SLC9C1: variants seen among roughly 807,000 people sequenced by gnomAD.
The protein encoded by SLC9C1 is solute carrier family 9 member C1, also known as sodium/hydrogen exchanger 10.
In SLC9C1, 97 loss-of-function variants were observed where a neutral mutation model predicts 140.9. The observed-to-expected ratio is 0.69, with a 90% CI of 0.58 to 0.82. SLC9C1 has a LOEUF of 0.82. Among genes scored for constraint, SLC9C1 ranks in the 40% least tolerant of loss-of-function variants. SLC9C1 has a pLI of 0.00. For synonymous variants in SLC9C1, 440 were observed against 442.6 expected, an observed-to-expected ratio of 0.99 and a Z score of 0.07; for missense variants, 1,340 against 1,389.3, an observed-to-expected ratio of 0.96 and a Z score of 0.56.
At chr3:112,195,473 C>T (rs1216517365) in intron 20 of SLC9C1, among the ~76,000 whole-genome samples, 1 of 151,988 alleles carries the variant, frequency 6.6e-6, no homozygotes, top group Non-Finnish European at 1.5e-5. Context: ...AAGGAACTTA[C>T]TTCTGTCATT....
intron 27 of SLC9C1, among the ~76,000 whole-genome samples, 157 bp downstream of exon 27, chr3:112,154,840 T>G (rs745890981): frequency 1.3e-5 from 2 of 152,208 alleles, no homozygotes; most frequent in Non-Finnish European, 2.9e-5. Flanking sequence ...TAATTTCCAC[T>G]GTACCCAGTG....
intron 27 of SLC9C1, among the ~76,000 whole-genome samples, chr3:112,154,187 T>A (rs2075063898): frequency 6.6e-6 from 1 of 152,208 alleles, no homozygotes; most frequent in African/African-American, 2.4e-5. Context: ...ATTTTATGGC[T>A]TGTGTATTCA....
chr3:112,161,509 A>G (rs887895633), intron 26 of SLC9C1, among the ~76,000 whole-genome samples: 1 of 152,140 alleles, frequency 6.6e-6, no homozygotes, highest in African/African-American at 2.4e-5. Context: ...TTTTCCCAGC[A>G]CCATTTATTA....
intron 8 of SLC9C1, 137 bp downstream of exon 8, chr3:112,266,101 C>A: frequency 1.6e-6 from 1 of 631,238 alleles, no homozygotes; most frequent in Non-Finnish European, 2.7e-6. Flanking sequence ...AAAATAAAAT[C>A]TAGGAAAGGT....
At chr3:112,180,809 C>T (rs891257148) in intron 21 of SLC9C1, 147 bp from the exon 22 acceptor site, 45 of 614,558 alleles carry the variant, frequency 7.3e-5, no homozygotes, top group African/African-American at 3.9e-5. Context: ...AATCTTGGCT[C>T]ACTGCACCCT....
intron 12 of SLC9C1, among the ~76,000 whole-genome samples, chr3:112,235,916 T>C (rs1053941652): frequency 6.6e-6 from 1 of 152,222 alleles, no homozygotes; most frequent in African/African-American, 2.4e-5. Flanking sequence ...TCAGGAATAT[T>C]GGTCTAAAAT....
At chr3:112,161,298 G>T (rs942536601) in intron 26 of SLC9C1, among the ~76,000 whole-genome samples, 18 of 152,068 alleles carry the variant, frequency 1.2e-4, no homozygotes, top group Admixed American at 1.1e-3. Flanking sequence ...GTCAATTTTG[G>T]CTTTTGTTGC....
In SLC9C1 at chr3:112,194,912, A is replaced by C. The variant is rs116509942; in HGVS notation, c.2523+4409T>G. Among the ~76,000 whole-genome samples the C allele has an allele frequency of 1.0e-2, 1,513 of 151,504 alleles. 24 individuals are homozygous for C. The highest frequency in any genetic ancestry group is 0.034 in the African/African-American group (1,411 of 41,230). On this transcript the variant is annotated intron_variant, in intron 20 of 28. Coordinates refer to ENST00000305815, the MANE Select transcript of SLC9C1 (RefSeq NM_183061.3). ...ATGATGTCAAACTCATTATATTTTC[A>C]TGTTGTTATTGGCCACTTGAGTGTC...
At chr3:112,256,119 C>T (rs1576459444) in intron 10 of SLC9C1, among the ~76,000 whole-genome samples, 1 of 151,960 alleles carries the variant, frequency 6.6e-6, no homozygotes, top group Non-Finnish European at 1.5e-5. Context: ...ATGGACCAGA[C>T]AAATTTGCAG....
chr3:112,291,301 G>T (rs372319699), intron 1 of SLC9C1, among the ~76,000 whole-genome samples: 1 of 152,052 alleles, frequency 6.6e-6, no homozygotes, highest in Non-Finnish European at 1.5e-5. Flanking sequence ...GCTACTGCAC[G>T]CAAAAGAAAC....
chr3:112,154,632 G>C (rs1170049682), intron 27 of SLC9C1, among the ~76,000 whole-genome samples: 1 of 152,170 alleles, frequency 6.6e-6, no homozygotes, highest in Non-Finnish European at 1.5e-5. Context: ...CAAATGCATA[G>C]CTGAGGTAGC....
At chr3:112,250,983 C>T (rs1475772025) in intron 10 of SLC9C1, among the ~76,000 whole-genome samples, 2 of 152,110 alleles carry the variant, frequency 1.3e-5, no homozygotes, top group Admixed American at 1.3e-4. Flanking sequence ...TACATGAAAT[C>T]AAGCAAAATG....
At chr3:112,177,962 A>C (rs1386404864) in intron 23 of SLC9C1, among the ~76,000 whole-genome samples, 1 of 151,720 alleles carries the variant, frequency 6.6e-6, no homozygotes, top group African/African-American at 2.4e-5. Context: ...TTATATGCCA[A>C]AAATAAAAAT....
At chr3:112,264,519 A>G (rs1181444652) in intron 8 of SLC9C1, among the ~76,000 whole-genome samples, 176 bp from the exon 9 acceptor site, 2 of 152,022 alleles carry the variant, frequency 1.3e-5, no homozygotes, top group East Asian at 3.8e-4. Flanking sequence ...TATTTTACAC[A>G]AAAGAAATGA....
At chr3:112,239,589 C>T (rs1422604186) in intron 12 of SLC9C1, among the ~76,000 whole-genome samples, 1 of 152,178 alleles carries the variant, frequency 6.6e-6, no homozygotes, top group East Asian at 1.9e-4. Context: ...ATTTGGCCAT[C>T]TTGGAACCAT....
intron 7 of SLC9C1, among the ~76,000 whole-genome samples, chr3:112,268,091 C>A (rs1468402085): frequency 6.6e-6 from 1 of 152,050 alleles, no homozygotes; most frequent in Non-Finnish European, 1.5e-5. Context: ...TTAAGTATAA[C>A]CTTTAATCTT....
chr3:112,274,362 T>C (rs78257974), intron 6 of SLC9C1, among the ~76,000 whole-genome samples: 3 of 152,124 alleles, frequency 2.0e-5, no homozygotes, highest in African/African-American at 4.8e-5. Flanking sequence ...AAAGTACTTA[T>C]GGTTTAGGGC....
chr3:112,195,128 C>T (rs541742117), intron 20 of SLC9C1, among the ~76,000 whole-genome samples: 7 of 152,150 alleles, frequency 4.6e-5, no homozygotes, highest in Non-Finnish European at 8.8e-5. Context: ...TCCAAATTTT[C>T]CTGAAGTGCA....
intron 22 of SLC9C1, among the ~76,000 whole-genome samples, chr3:112,180,008 G>A (rs906297781): frequency 3.3e-5 from 5 of 152,068 alleles, no homozygotes; most frequent in South Asian, 2.1e-4. Flanking sequence ...ATTGTCCATC[G>A]TGAAAGATAA....
Sources: gnomAD v4.1 joint callset for allele counts (sites outside exome capture counted in the v4.1 genomes callset) on GRCh38, gnomAD v4.1.1 for gene constraint, MANE v1.5 for transcripts, NCBI Gene and HGNC (gene_info 2026-07-23, HGNC 2026-07-21) for gene names.